The following TAF3 variants were observed in gnomAD, a reference collection of about 807,000 sequenced individuals.
The protein encoded by TAF3 is transcription initiation factor TFIID subunit 3.
TAF3 carries 7 observed loss-of-function variants against 80.6 expected under a neutral mutation model. That is an observed-to-expected ratio of 0.09 (90% CI 0.05 to 0.16). The LOEUF (loss-of-function observed/expected upper bound fraction) is 0.16, where lower values mean the gene tolerates loss of function less well. Among genes scored for constraint, TAF3 ranks in the 10% least tolerant of loss-of-function variants. TAF3 has a pLI of 1.00. For synonymous variants in TAF3, 444 were observed against 446.1 expected (o/e 1.00, Z 0.06); for missense variants, 921 against 1,140.2 (o/e 0.81, Z 2.77).
At position 8,009,712 on chromosome 10, in the gene TAF3, C is replaced by T. The variant is rs945156365; in HGVS notation, c.2568+382C>T. On this transcript the variant is annotated intron_variant, in intron 5 of 6. Coordinates refer to ENST00000344293, the MANE Select transcript of TAF3 (RefSeq NM_031923.4). This position sits in a 1 kb window ranked among gnomAD's most constrained non-coding sequence, Gnocchi z 4.1. ...TCTCAGCTCACTGCAACCTCCACCT[C>T]CCAGGTTCAAGCGATTCTCCTGCCT... Among the ~76,000 whole-genome samples the T allele has an allele frequency of 5.3e-5, 8 of 152,106 alleles. No individual in the cohort carries two copies. The South Asian group carries it at 1.7e-3, about 32-fold the overall frequency.
chr10:7,827,475 C>G (rs1281642564), intron 2 of TAF3, among the ~76,000 whole-genome samples: 1 of 151,736 alleles, frequency 6.6e-6, no homozygotes, highest in Non-Finnish European at 1.5e-5. Flanking sequence ...CATGAGACCT[C>G]ATCTCTACTA....
chr10:7,976,638 C>CA (rs754607401), intron 3 of TAF3, among the ~76,000 whole-genome samples: 137 of 152,264 alleles, frequency 9.0e-4, no homozygotes, highest in Non-Finnish European at 1.6e-3. Context: ...TTCCTGACCT[C>CA]ATGACGCCTG....
chr10:8,003,982 G>A (rs1390269524), intron 4 of TAF3, among the ~76,000 whole-genome samples: 3 of 152,022 alleles, frequency 2.0e-5, no homozygotes, highest in Non-Finnish European at 2.9e-5. Flanking sequence ...AACATATAAT[G>A]GGTTCATTGT....
chr10:7,984,965 C>G (rs1157811356), intron 4 of TAF3, among the ~76,000 whole-genome samples: 6 of 152,170 alleles, frequency 3.9e-5, no homozygotes, highest in Admixed American at 3.9e-4. Flanking sequence ...GAACATGGAA[C>G]GTTTCAATCC....
chr10:7,956,946 G>A (rs1310966359), intron 2 of TAF3, among the ~76,000 whole-genome samples: 1 of 151,528 alleles, frequency 6.6e-6, no homozygotes, highest in African/African-American at 2.4e-5. Flanking sequence ...ATTTTTTTTT[G>A]TTGTTAGTGT....
chr10:7,820,862 C>T (rs992304141), intron 1 of TAF3, among the ~76,000 whole-genome samples: 3 of 152,190 alleles, frequency 2.0e-5, no homozygotes, highest in Non-Finnish European at 4.4e-5. Context: ...AGTACATCAC[C>T]AGCTGACTAC....
intron 2 of TAF3, among the ~76,000 whole-genome samples, chr10:7,936,600 C>T (rs1255927004): frequency 6.6e-6 from 1 of 151,956 alleles, no homozygotes; most frequent in African/African-American, 2.4e-5. Flanking sequence ...CCACTGCCTG[C>T]TCCCTCCACA....
rs980654369 is a variant in TAF3, at chr10:7,965,564, T to G, written c.2054T>G (p.Leu685Arg). 56 of 1,598,334 alleles carry G rather than the reference T, an allele frequency of 3.5e-5. No individual in the cohort carries two copies. The highest frequency in any genetic ancestry group is 4.6e-5 in the Non-Finnish European group (54 of 1,176,334). The change falls in exon 3 of 7, where the codon CTT (leucine) becomes CGT (arginine). Residue 685 changes from leucine to arginine, a missense_variant. Around this residue, in one of 6 missense-constraint regions of TAF3, gnomAD observed 743 missense variants for 821.0 expected, o/e 0.90. Transcript: ENST00000344293. ...ATGCTGCCATCTTTGTTGCCAGTGC[T>G]TCCGGAAAAACTGTTTGAGGAGAAA... ...PAMLPSLLPV[L>R]PEKLFEEKEK...
chr10:7,972,122 T>G (rs1343009153), intron 3 of TAF3, among the ~76,000 whole-genome samples: 1 of 152,230 alleles, frequency 6.6e-6, no homozygotes, highest in Non-Finnish European at 1.5e-5. Flanking sequence ...TTTGGCTTGA[T>G]GCCATTAAAA....
chr10:7,867,808 A>G (rs539592241), intron 2 of TAF3, among the ~76,000 whole-genome samples: 2 of 152,230 alleles, frequency 1.3e-5, no homozygotes, highest in Non-Finnish European at 2.9e-5. Flanking sequence ...GCAGAAATTC[A>G]TGTGTAACTT....
At chr10:7,847,975 G>T (rs769816799) in intron 2 of TAF3, among the ~76,000 whole-genome samples, 1 of 146,062 alleles carries the variant, frequency 6.8e-6, no homozygotes, top group African/African-American at 2.5e-5. Context: ...TCACCATGGT[G>T]TCCAGGCTGA....
chr10:7,970,975 G>A (rs532604450), intron 3 of TAF3, among the ~76,000 whole-genome samples: 24 of 152,220 alleles, frequency 1.6e-4, no homozygotes, highest in African/African-American at 5.8e-4. Context: ...CCAATAAAGG[G>A]GAGGGAAATG....
intron 2 of TAF3, among the ~76,000 whole-genome samples, chr10:7,851,954 TC>T (rs940331597): frequency 1.3e-5 from 2 of 151,756 alleles, no homozygotes; most frequent in African/African-American, 4.8e-5. Flanking sequence ...TTTTTTTTTT[TC>T]TTAATTTTAG....
chr10:7,830,785 T>C lies in TAF3; in HGVS notation c.409+6225T>C, dbSNP rs562443125. ...AGGCGTGAGCCACCCCGCCCAACCA[T>C]GTCATTTACCTTTTAGTTTGTGACT... On this transcript the variant is annotated intron_variant, in intron 2 of 6. Coordinates refer to ENST00000344293, the MANE Select transcript of TAF3 (RefSeq NM_031923.4). Among the ~76,000 whole-genome samples the C allele has an allele frequency of 3.3e-5, 5 of 152,132 alleles. 1 individual carries two copies. The East Asian group carries it at 9.7e-4, about 29-fold the overall frequency.
At chr10:7,885,313 C>T (rs1837400034) in intron 2 of TAF3, among the ~76,000 whole-genome samples, 3 of 152,014 alleles carry the variant, frequency 2.0e-5, no homozygotes, top group Admixed American at 2.0e-4. Flanking sequence ...TTCCCCTACC[C>T]CCAGTGTAGT....
At chr10:7,974,607 C>T (rs1458035527) in intron 3 of TAF3, among the ~76,000 whole-genome samples, 1 of 151,902 alleles carries the variant, frequency 6.6e-6, no homozygotes, top group Non-Finnish European at 1.5e-5. Flanking sequence ...AAGGAAGGAG[C>T]ATGAGAAGAC....
intron 2 of TAF3, among the ~76,000 whole-genome samples, chr10:7,877,651 A>T (rs1216570061): frequency 6.6e-6 from 1 of 152,222 alleles, no homozygotes; most frequent in Non-Finnish European, 1.5e-5. Context: ...AAGAGAATTT[A>T]AGAATTTTAG....
chr10:7,959,436 G>T (rs2131409126), intron 2 of TAF3, among the ~76,000 whole-genome samples: 1 of 152,172 alleles, frequency 6.6e-6, no homozygotes, highest in East Asian at 1.9e-4. Flanking sequence ...ACAAGTTTTT[G>T]CAGTATTAAG....
At chr10:7,949,246 C>T (rs1240415960) in intron 2 of TAF3, among the ~76,000 whole-genome samples, 1 of 152,210 alleles carries the variant, frequency 6.6e-6, no homozygotes, top group Non-Finnish European at 1.5e-5. Flanking sequence ...GCTGTTTCCA[C>T]TGTAACGAAA....
Sources: gnomAD v4.1 joint callset for allele counts (sites outside exome capture counted in the v4.1 genomes callset) on GRCh38, gnomAD v4.1.1 for gene constraint, gnomAD v4.1.1 regional missense constraint, Gnocchi (gnomAD v3.1) non-coding constraint, MANE v1.5 for transcripts, NCBI Gene and HGNC (gene_info 2026-07-23, HGNC 2026-07-21) for gene names.